IFT172: variants seen among roughly 807,000 people sequenced by gnomAD.
IFT172 encodes intraflagellar transport 172.
IFT172 carries 164 observed loss-of-function variants against 248.9 expected under a neutral mutation model. That is an observed-to-expected ratio of 0.66 (90% CI 0.58 to 0.75). The LOEUF (loss-of-function observed/expected upper bound fraction) is 0.75. Ranked by LOEUF, IFT172 falls within the 30% of genes least tolerant of loss-of-function variation. The pLI, the probability that IFT172 is intolerant of heterozygous loss-of-function variation, is 0.00. For missense variants in IFT172, 1,950 were observed against 2,192.4 expected (o/e 0.89, Z 2.21); for synonymous variants, 729 against 791.6 (o/e 0.92, Z 1.33).
intron 26 of IFT172, among the ~76,000 whole-genome samples, 194 bp from the exon 27 acceptor site, chr2:27,458,417 G>A (rs1257203084): frequency 6.6e-6 from 1 of 152,178 alleles, no homozygotes; most frequent in Non-Finnish European, 1.5e-5. Flanking sequence ...TGCTAAGGTG[G>A]GAAGGTCTGC....
At position 27,456,493 on chromosome 2, in the gene IFT172, G is replaced by GA. The variant is rs1309090080; in HGVS notation, c.3371+17dup. The GA allele has an allele frequency of 6.2e-7, 1 of 1,606,368 alleles. No individual in the cohort carries two copies. Among genetic ancestry groups the GA allele is most frequent in the East Asian group, 2.2e-5 (1 of 44,824 alleles). On this transcript the variant is annotated intron_variant, in intron 30 of 47. Transcript: ENST00000260570. ...CTGGCTGGGATGGGGCCCGTGGAGAGAAAGCTTGGGGCCTCACCAATTGTC... is the reference window on the plus strand; with the variant it reads ...CTGGCTGGGATGGGGCCCGTGGAGAGAAAAGCTTGGGGCCTCACCAATTGTC...
rs1668035085 is a variant in IFT172 at position 27,477,399 on chromosome 2, G to A, written c.1222-79C>T. 3 of 1,335,130 alleles carry A rather than the reference G, an allele frequency of 2.2e-6. No individual in the cohort carries two copies. In the African/African-American group the frequency reaches 4.3e-5, roughly 19 times the overall value. 82.7% of individuals were successfully genotyped at this position (1,335,130 alleles called of 1,614,324 possible). A position where few individuals can be genotyped will look rare whatever the true frequency, so the allele number is the denominator to read the frequency against. ...AGTGGGAGGTGTACTGTCAGTTCAA[G>A]GTGACTACCACTTTTCTCCTTGTTC... On this transcript the variant is annotated intron_variant, in intron 12 of 47. Transcript: ENST00000260570.
Position 27,455,166 on chromosome 2 carries a change from T to A in IFT172, c.3372-506A>T, listed in dbSNP as rs530293774. 9.2e-4 allele frequency: 271 copies of A among 293,616 alleles called. 8 individuals are homozygous for A. Among genetic ancestry groups the A allele is most frequent in the South Asian group, 9.1e-3 (265 of 28,978 alleles). 18.2% of individuals were successfully genotyped at this position (293,616 alleles called of 1,614,324 possible). ...TTCTGCACCGCCGCAATAGTGCGCA[T>A]GAATGTCCTGGCTGATGTGCTCAAG... On this transcript the variant is annotated intron_variant, in intron 30 of 47. Coordinates refer to ENST00000260570, the MANE Select transcript of IFT172 (RefSeq NM_015662.3).
rs1199404225 is a variant in IFT172, at chr2:27,456,582, T to C, written c.3300A>G (p.Gly1100=). The change falls in exon 30 of 48, where the codon GGA becomes GGG. Residue 1100 remains glycine (G), a synonymous_variant. Transcript: ENST00000260570. ...TATTAAGCAGTCTAACTGCAGCCTCTCCTCCCAGGCTCTTTGCCCACAGAT... is the reference window on the plus strand; with the variant it reads ...TATTAAGCAGTCTAACTGCAGCCTCCCCTCCCAGGCTCTTTGCCCACAGAT... The part of the protein sequence containing the change: ...VAYLWAKSLG[G]EAAVRLLNKL... 14 of 1,614,028 alleles carry C rather than the reference T, an allele frequency of 8.7e-6. No homozygotes were observed. The highest frequency in any genetic ancestry group is 1.1e-5 in the Non-Finnish European group (13 of 1,180,028).
chr2:27,470,763 A>C, intron 16 of IFT172, 165 bp downstream of exon 16: 2 of 580,320 alleles, frequency 3.4e-6, no homozygotes, highest in South Asian at 3.9e-5. Flanking sequence ...AATCTGAAAA[A>C]GGATGGTTCT....
In IFT172 at chr2:27,471,003, T is replaced by C; in HGVS notation, c.1617A>G (p.Val539=). ...MQWVPGSDVL[V]AQNRNSLCVW... ...CACACAGACTGTTTCGGTTCTGAGC[T>C]ACCAGCACGTCACTTCCTGGGACCC... The change falls in exon 16 of 48, where the codon GTA becomes GTG. Residue 539 remains valine, a synonymous_variant. Coordinates refer to ENST00000260570, the MANE Select transcript of IFT172 (RefSeq NM_015662.3). 1 of 1,614,054 alleles carries C rather than the reference T, an allele frequency of 6.2e-7. No individual in the cohort carries two copies. The highest frequency in any genetic ancestry group is 1.7e-4 in the Middle Eastern group (1 of 6,060).
chr2:27,473,369 CAA>C (rs567775832), intron 14 of IFT172, among the ~76,000 whole-genome samples: 10 of 54,422 alleles, frequency 1.8e-4, no homozygotes, highest in Non-Finnish European at 2.3e-4. Flanking sequence ...GACTCTGTCT[CAA>C]AAAAAAAAAA....
chr2:27,480,960 C>T (rs374776684), intron 8 of IFT172, 86 bp downstream of exon 8: 19 of 1,007,442 alleles, frequency 1.9e-5, no homozygotes, highest in East Asian at 9.6e-5. Context: ...GCTCCAGTCT[C>T]GCACTCTGGC....
chr2:27,456,551 C>T lies in IFT172; in HGVS notation c.3331G>A (p.Gly1111Arg). The change falls in exon 30 of 48, where the codon GGA becomes AGA. Residue 1111 changes from glycine to arginine, a missense_variant. Physicochemically the swap from Gly to Arg is moderately radical, Grantham distance 125. This residue lies in a region of IFT172 where 164 missense variants were observed against 239.3 expected (regional missense o/e 0.69). Coordinates refer to ENST00000260570, the MANE Select transcript of IFT172 (RefSeq NM_015662.3). ...TGGTCAACAGCAGCTTCCAGGAGTC[C>T]CAGCTTATTAAGCAGTCTAACTGCA... Reference protein sequence around the residue: ...EAAVRLLNKLGLLEAAVDHAA... With the variant: ...EAAVRLLNKLRLLEAAVDHAA... 1.2e-6 allele frequency: 2 copies of T among 1,614,066 alleles called. No individual in the cohort carries two copies. Among genetic ancestry groups the T allele is most frequent in the Non-Finnish European group, 1.7e-6 (2 of 1,180,006 alleles).
chr2:27,462,666 T>G, intron 20 of IFT172, 35 bp downstream of exon 20: 1 of 1,568,816 alleles, frequency 6.4e-7, no homozygotes, highest in Non-Finnish European at 8.8e-7. Flanking sequence ...TTCCCTCATA[T>G]CCCCTCTTCC....
rs539613480 is a variant in IFT172, at chr2:27,489,738, G to C, written c.-85C>G. On this transcript the variant is annotated 5_prime_UTR_variant, in exon 1 of 48. Coordinates refer to ENST00000260570, the MANE Select transcript of IFT172 (RefSeq NM_015662.3). ...AACCCGCCACGCAGCCGCAGCGACAGGCACTGACGCTTATGCGACCGGAGC... is the reference window on the plus strand; with the variant it reads ...AACCCGCCACGCAGCCGCAGCGACACGCACTGACGCTTATGCGACCGGAGC... 7.9e-4 allele frequency: 833 copies of C among 1,050,818 alleles called. 2 individuals carry two copies. The highest frequency in any genetic ancestry group is 1.1e-3 in the Non-Finnish European group (745 of 692,186). The allele number at this position is 1,050,818 out of a possible 1,614,324, so 65.1% of individuals were successfully genotyped here. A position where few individuals can be genotyped will look rare whatever the true frequency, so the allele number is the denominator to read the frequency against.
chr2:27,479,617 G>C lies in IFT172; in HGVS notation c.910-13C>G, dbSNP rs768725084. ...CACATAGTGTGCCCTAGAAGGGAAA[G>C]TGACAGCATAAAAGGTCACACACAT... On this transcript the variant is annotated splice_polypyrimidine_tract_variant and intron_variant, in intron 9 of 47. Coordinates refer to ENST00000260570, the MANE Select transcript of IFT172 (RefSeq NM_015662.3). The C allele has an allele frequency of 3.9e-6, 6 of 1,542,436 alleles. No homozygotes were observed. The highest frequency in any genetic ancestry group is 5.4e-6 in the Non-Finnish European group (6 of 1,115,022).
chr2:27,445,769 T>C lies in IFT172; in HGVS notation c.4890A>G (p.Pro1630=). Residue 1630 remains proline, a synonymous_variant, in exon 45 of 48, where the codon CCA becomes CCG. Transcript: ENST00000260570. This position sits in a 1 kb window ranked among gnomAD's most constrained non-coding sequence, Gnocchi z 4.4. ...CCGGTACATGCTGCTTAGCTGGGAG[T>C]GGCACCTCAAAGGGAATGTCTGTAT... The part of the protein sequence containing the change: ...FQDTDIPFEV[P]LPAKQHVPEA... 1 of 1,613,970 alleles carries C rather than the reference T, an allele frequency of 6.2e-7. No homozygotes were observed. Among genetic ancestry groups the C allele is most frequent in the Non-Finnish European group, 8.5e-7 (1 of 1,180,008 alleles).
At chr2:27,456,287 G>C (rs1019791138) in intron 30 of IFT172, among the ~76,000 whole-genome samples, 3 of 152,030 alleles carry the variant, frequency 2.0e-5, no homozygotes, top group Non-Finnish European at 4.4e-5. Context: ...GTTTAGTGCA[G>C]TCTGCAGTCC....
chr2:27,453,231 G>A, intron 35 of IFT172, 153 bp downstream of exon 35: 1 of 1,019,790 alleles, frequency 9.8e-7, no homozygotes, highest in South Asian at 1.3e-5. Flanking sequence ...CAGAGGTTCT[G>A]GCTCTATCAT....
intron 1 of IFT172, among the ~76,000 whole-genome samples, chr2:27,488,847 C>A (rs146848155): frequency 1.3e-5 from 2 of 152,084 alleles, no homozygotes; most frequent in Admixed American, 6.6e-5. Context: ...GGGGAAACCT[C>A]GTCTCTACAA....
Position 27,461,811 on chromosome 2 carries a change from A to G in IFT172, c.2141T>C (p.Met714Thr). Residue 714 changes from methionine to threonine, a missense_variant, in exon 21 of 48, where the codon ATG (methionine) becomes ACG (threonine). This residue lies in a region of IFT172 where 1,166 missense variants were observed against 1,254.1 expected (regional missense o/e 0.93). Transcript: ENST00000260570. ...EQNAVEEAMG[M>T]YQELHRWDEC... ...ATCCCAACGGTGTAGCTCCTGGTAC[A>G]TGCCCATGGCCTCCTCCACAGCATT... is the stretch of plus-strand genomic sequence containing the variant. 1 of 1,614,218 alleles carries G rather than the reference A, an allele frequency of 6.2e-7. No homozygotes were observed. Among genetic ancestry groups the G allele is most frequent in the Non-Finnish European group, 8.5e-7 (1 of 1,180,046 alleles).
chr2:27,473,986 T>G (rs554488353), intron 14 of IFT172, among the ~76,000 whole-genome samples: 1 of 152,216 alleles, frequency 6.6e-6, no homozygotes, highest in East Asian at 1.9e-4. Context: ...TTTTGTATTT[T>G]TAGTAGAGAT....
intron 35 of IFT172, chr2:27,453,011 C>T (rs1216887303): frequency 8.7e-6 from 3 of 343,594 alleles, no homozygotes; most frequent in South Asian, 2.3e-5. Flanking sequence ...CTGGAGTTGC[C>T]CTTCCAGCTC....
Sources: allele counts gnomAD v4.1 joint callset (sites outside exome capture counted in the v4.1 genomes callset), GRCh38; gene constraint gnomAD v4.1.1; regional missense constraint gnomAD v4.1.1; non-coding constraint Gnocchi (gnomAD v3.1); transcripts MANE v1.5; gene names NCBI Gene and HGNC (gene_info 2026-07-23, HGNC 2026-07-21).